The following AKAP13 variants were observed in gnomAD, a reference collection of about 807,000 sequenced individuals.
The protein encoded by AKAP13 is A-kinase anchor protein 13.
AKAP13 carries 80 observed loss-of-function variants against 264.5 expected under a neutral mutation model. That is an observed-to-expected ratio of 0.30 (90% CI 0.25 to 0.36). The LOEUF is 0.36. Ranked by LOEUF, AKAP13 falls within the 10% of genes least tolerant of loss-of-function variation. AKAP13 has a pLI of 1.00. For synonymous variants in AKAP13, 1,380 were observed against 1,250.2 expected (o/e 1.10, Z -2.19); for missense variants, 3,712 against 3,435.2 (o/e 1.08, Z -2.01).
At chr15:85,433,749 C>T (rs2073130176) in intron 1 of AKAP13, among the ~76,000 whole-genome samples, 1 of 152,022 alleles carries the variant, frequency 6.6e-6, no homozygotes, top group African/African-American at 2.4e-5. Context: ...CGAGACCAGC[C>T]TGACCAACAT....
At chr15:85,478,532 C>G (rs2075250670) in intron 1 of AKAP13, among the ~76,000 whole-genome samples, 1 of 152,052 alleles carries the variant, frequency 6.6e-6, no homozygotes, top group African/African-American at 2.4e-5. Flanking sequence ...TCATTTATGC[C>G]TTTTGGGTAA....
intron 4 of AKAP13, chr15:85,537,023 G>A (rs2077424293): frequency 6.6e-6 from 1 of 152,184 alleles, no homozygotes; most frequent in Admixed American, 6.5e-5. Flanking sequence ...TGTATACTTT[G>A]CAAGGTGAAA....
chr15:85,703,908 CAG>C (rs986296221), intron 17 of AKAP13, among the ~76,000 whole-genome samples: 2 of 150,086 alleles, frequency 1.3e-5, no homozygotes, highest in African/African-American at 4.9e-5. Context: ...TTTTGAGAGA[CAG>C]GGTCTCTGTT....
intron 1 of AKAP13, among the ~76,000 whole-genome samples, chr15:85,475,526 A>G (rs72754526): frequency 0.01 from 1,558 of 152,312 alleles, 15 homozygotes; most frequent in Middle Eastern, 0.017. Context: ...AGAGGTACCA[A>G]CCATCATGTG....
rs2079117415 is a variant in AKAP13, at chr15:85,579,714, C to T, written c.1646C>T (p.Ala549Val). Residue 549 changes from alanine to valine, a missense_variant, in exon 7 of 37, where the codon GCT becomes GTT. Transcript: ENST00000394518. Reference protein sequence around the residue: ...AASSLDGNKPAESSLAFSNEE... With the variant: ...AASSLDGNKPVESSLAFSNEE... ...AGTTCCCTGGATGGTAACAAACCTG[C>T]TGAGTCTTCACTTGCATTTAGTAAT... 1.2e-6 allele frequency: 2 copies of T among 1,614,230 alleles called. No individual in the cohort carries two copies. Among genetic ancestry groups the T allele is most frequent in the Non-Finnish European group, 1.7e-6 (2 of 1,180,038 alleles).
At chr15:85,388,947 A>C (rs1276116180) in intron 1 of AKAP13, among the ~76,000 whole-genome samples, 3 of 152,202 alleles carry the variant, frequency 2.0e-5, no homozygotes, top group African/African-American at 7.2e-5. Context: ...TGCCAAACTT[A>C]TGTGTGTAAG....
At chr15:85,528,921 T>G (rs2077166050) in intron 3 of AKAP13, among the ~76,000 whole-genome samples, 1 of 152,164 alleles carries the variant, frequency 6.6e-6, no homozygotes, top group African/African-American at 2.4e-5. Flanking sequence ...CTTCCCTTTT[T>G]AAAAAAAGAT....
chr15:85,704,811 T>C (rs1239323614), intron 17 of AKAP13, among the ~76,000 whole-genome samples: 2 of 152,250 alleles, frequency 1.3e-5, no homozygotes, highest in African/African-American at 4.8e-5. Flanking sequence ...TCTTGTGTTC[T>C]TGGTAATTTT....
chr15:85,464,426 A>G (rs1036911852), intron 1 of AKAP13, among the ~76,000 whole-genome samples: 1 of 152,190 alleles, frequency 6.6e-6, no homozygotes, highest in African/African-American at 2.4e-5. Context: ...GAATATGGAT[A>G]ATATCTATTC....
At chr15:85,392,699 C>G (rs2070927679) in intron 1 of AKAP13, among the ~76,000 whole-genome samples, 2 of 152,164 alleles carry the variant, frequency 1.3e-5, no homozygotes, top group African/African-American at 2.4e-5. Flanking sequence ...CGCCACTGCA[C>G]CTGGCTCTGG....
At chr15:85,575,501 G>A (rs574765581) in intron 6 of AKAP13, among the ~76,000 whole-genome samples, 172 bp downstream of exon 6, 4 of 152,262 alleles carry the variant, frequency 2.6e-5, no homozygotes, top group Non-Finnish European at 5.9e-5. Flanking sequence ...AGACCATCCT[G>A]GCTAACACGG....
At chr15:85,619,941 C>T (rs2081101772) in intron 8 of AKAP13, 1 of 1,443,874 alleles carries the variant, frequency 6.9e-7, no homozygotes, top group African/African-American at 1.4e-5. Context: ...TTTTTGACCC[C>T]TTTGAGAGTT....
chr15:85,433,257 C>T (rs980313999), intron 1 of AKAP13, among the ~76,000 whole-genome samples: 1 of 151,384 alleles, frequency 6.6e-6, no homozygotes, highest in Non-Finnish European at 1.5e-5. Context: ...CCTCTCAATT[C>T]CAACATTATT....
intron 1 of AKAP13, among the ~76,000 whole-genome samples, chr15:85,401,147 C>A (rs1200950941): frequency 6.6e-6 from 1 of 152,018 alleles, no homozygotes; most frequent in Non-Finnish European, 1.5e-5. Context: ...TAGACACGAG[C>A]CACTGTGCCC....
At position 85,708,126 on chromosome 15, in the gene AKAP13, G is replaced by C; in HGVS notation, c.5532+40G>C. The stretch of plus-strand genomic sequence containing the variant: ...CTAAAACAAGGCTTAAAATAAAAGG[G>C]TTTAAACCAGCAAAATCCTCGGGAG... On this transcript the variant is annotated intron_variant, in intron 18 of 36. Transcript: ENST00000394518. This position sits in a 1 kb window ranked among gnomAD's most constrained non-coding sequence, Gnocchi z 4.3. 6.3e-7 allele frequency: 1 copy of C among 1,592,104 alleles called. No individual in the cohort carries two copies. Among genetic ancestry groups the C allele is most frequent in the African/African-American group, 1.3e-5 (1 of 74,596 alleles).
intron 7 of AKAP13, among the ~76,000 whole-genome samples, chr15:85,583,599 T>C (rs1477611961): frequency 6.6e-6 from 1 of 152,222 alleles, no homozygotes. Flanking sequence ...TGTAAGCTGA[T>C]GCCTGGTGAT....
chr15:85,397,290 C>T (rs1218167884), intron 1 of AKAP13, among the ~76,000 whole-genome samples: 1 of 152,088 alleles, frequency 6.6e-6, no homozygotes, highest in Admixed American at 6.5e-5. Context: ...CTTTGAAATA[C>T]TCCTCTTTCA....
intron 17 of AKAP13, among the ~76,000 whole-genome samples, chr15:85,693,813 A>G (rs901698586): frequency 6.6e-6 from 1 of 152,234 alleles, no homozygotes; most frequent in Non-Finnish European, 1.5e-5. Context: ...GAGATAGTCA[A>G]CACTTTATCA....
intron 3 of AKAP13, among the ~76,000 whole-genome samples, chr15:85,528,566 A>G (rs1301038016): frequency 6.6e-6 from 1 of 152,196 alleles, no homozygotes; most frequent in East Asian, 1.9e-4. Flanking sequence ...CATTTTGTGT[A>G]CAAGGAAAAC....
Sources: allele counts gnomAD v4.1 joint callset (sites outside exome capture counted in the v4.1 genomes callset), GRCh38; gene constraint gnomAD v4.1.1; non-coding constraint Gnocchi (gnomAD v3.1); transcripts MANE v1.5; gene names NCBI Gene and HGNC (gene_info 2026-07-23, HGNC 2026-07-21).